Variants in HSD17B3 observed in about 807,000 individuals in gnomAD.
The protein encoded by HSD17B3 is 17-beta-hydroxysteroid dehydrogenase type 3.
Under a neutral mutation model 41.1 loss-of-function variants are expected in HSD17B3, and 29 were observed. That is an observed-to-expected ratio of 0.71 (90% CI 0.53 to 0.96). The LOEUF is 0.96. HSD17B3 is among the 40% of genes least tolerant of loss of function. HSD17B3 has a pLI of 0.00. For synonymous variants in HSD17B3, 126 were observed against 145.6 expected (o/e 0.87, Z 0.97); for missense variants, 323 against 374.6 (o/e 0.86, Z 1.14).
chr9:96,270,733 G>A (rs538567206), intron 2 of HSD17B3, among the ~76,000 whole-genome samples: 1 of 152,358 alleles, frequency 6.6e-6, no homozygotes, highest in South Asian at 2.1e-4. Context: ...AGGTGGGCAG[G>A]CCACCCAGAT....
At chr9:96,237,110 G>A (rs76228520) in intron 10 of HSD17B3, among the ~76,000 whole-genome samples, 5,219 of 152,204 alleles carry the variant, frequency 0.034, 225 homozygotes, top group Admixed American at 0.12. Flanking sequence ...TTTTCTCTCC[G>A]AGCTTTCTTA....
At chr9:96,251,155 G>A (rs1336225725) in intron 5 of HSD17B3, 1 of 548,654 alleles carries the variant, frequency 1.8e-6, no homozygotes, top group South Asian at 2.4e-5. Flanking sequence ...CAGCACCCCA[G>A]AAGCATAGGA....
chr9:96,289,411 G>A (rs1278701657), intron 2 of HSD17B3, among the ~76,000 whole-genome samples: 2 of 152,006 alleles, frequency 1.3e-5, no homozygotes, highest in Non-Finnish European at 2.9e-5. Flanking sequence ...TTTCAAGACT[G>A]ACCCCTGCCA....
intron 2 of HSD17B3, among the ~76,000 whole-genome samples, chr9:96,294,965 C>T (rs139973844): frequency 1.3e-5 from 2 of 148,232 alleles, no homozygotes; most frequent in East Asian, 4.0e-4. Context: ...AAAAAATCAT[C>T]AGCAGCAGAT....
intron 2 of HSD17B3, among the ~76,000 whole-genome samples, chr9:96,293,661 A>ATG (rs113941501): frequency 0.012 from 1,806 of 146,356 alleles, 29 homozygotes; most frequent in African/African-American, 0.039. Context: ...CTGTGTGTGT[A>ATG]TGTGTGTGTG....
intron 4 of HSD17B3, 138 bp from the exon 5 acceptor site, chr9:96,251,623 G>C (rs1216398965): frequency 1.3e-6 from 1 of 770,906 alleles, no homozygotes; most frequent in African/African-American, 1.7e-5. Flanking sequence ...CTGGGGGGAA[G>C]TTTTTGTCCA....
chr9:96,240,948 C>T (rs756669687), intron 9 of HSD17B3, 41 bp from the exon 10 acceptor site: 23 of 1,612,624 alleles, frequency 1.4e-5, no homozygotes, highest in Admixed American at 1.2e-4. Flanking sequence ...AAGCAATCCA[C>T]CCCAGGAAGA....
At chr9:96,276,455 G>C (rs533621389) in intron 2 of HSD17B3, among the ~76,000 whole-genome samples, 9 of 152,122 alleles carry the variant, frequency 5.9e-5, no homozygotes, top group African/African-American at 1.9e-4. Context: ...AAACAATCTT[G>C]AGCAAGAAGA....
rs772709388 is a variant in HSD17B3 at position 96,273,741 on chromosome 9, G to A, written c.202-18798C>T. 1.6e-3 allele frequency among the ~76,000 whole-genome samples: 241 copies of A among 152,112 alleles called. 4 individuals carry two copies. Among genetic ancestry groups the A allele is most frequent in the Non-Finnish European group, 5.3e-4 (36 of 68,020 alleles). ...AAGGAGAACAGGAAGATCTGCATCC[G>A]CCTTCACTACCAAGACCCCACAATC... On this transcript the variant is annotated intron_variant, in intron 2 of 10. Coordinates refer to ENST00000375263, the MANE Select transcript of HSD17B3 (RefSeq NM_000197.2).
chr9:96,271,987 C>A (rs947567543), intron 2 of HSD17B3, among the ~76,000 whole-genome samples: 1 of 151,752 alleles, frequency 6.6e-6, no homozygotes, highest in Non-Finnish European at 1.5e-5. Flanking sequence ...AATTTTATAC[C>A]CCCATTACTT....
At chr9:96,250,116 G>A (rs1046041947) in intron 5 of HSD17B3, 7 of 1,314,942 alleles carry the variant, frequency 5.3e-6, no homozygotes, top group Non-Finnish European at 6.8e-6. Context: ...AGGAAGAGGG[G>A]TTAGCCTATG....
intron 2 of HSD17B3, among the ~76,000 whole-genome samples, chr9:96,274,659 T>A (rs917024702): frequency 1.3e-5 from 2 of 151,986 alleles, no homozygotes; most frequent in South Asian, 4.2e-4. Context: ...GAAAAAAGAA[T>A]CTGTGAACTT....
At position 96,254,614 on chromosome 9, in the gene HSD17B3, A is replaced by C. The variant is rs370438; in HGVS notation, c.277+254T>G. On this transcript the variant is annotated intron_variant, in intron 3 of 10. Transcript: ENST00000375263. ...AGCAGGGCTGATGTAGCAATGAAGG[A>C]ACCCACCCAAAGGAGAGAGCAGACC... 0.87 allele frequency among the ~76,000 whole-genome samples: 132,963 copies of C among 152,204 alleles called. 58,225 individuals are homozygous for C. Among genetic ancestry groups the C allele is most frequent in the African/African-American group, 0.93 (38,723 of 41,544 alleles).
At chr9:96,253,517 C>T (rs1825510279) in intron 3 of HSD17B3, among the ~76,000 whole-genome samples, 1 of 152,220 alleles carries the variant, frequency 6.6e-6, no homozygotes, top group African/African-American at 2.4e-5. Context: ...GGCATTATGA[C>T]TTTCATTTTC....
Position 96,240,762 on chromosome 9 carries a change from ATTTCATGGGCAAGGCAGCCACAGG to A in HSD17B3, c.794_817del (p.Thr265_Glu272del), listed in dbSNP as rs752888962. On this transcript the variant is annotated inframe_deletion, in exon 10 of 11. Transcript: ENST00000375263. ...AAAGGAGAAGTTATCAATTACCAAG[ATTTCATGGGCAAGGCAGCCACAGG>A]TTTCACCTCCAATTGTGACATAATT... 2.5e-6 allele frequency: 4 copies of A among 1,614,200 alleles called. No homozygotes were observed. Among genetic ancestry groups the A allele is most frequent in the Non-Finnish European group, 1.7e-6 (2 of 1,180,042 alleles).
chr9:96,253,880 A>G (rs1452149582), intron 3 of HSD17B3, among the ~76,000 whole-genome samples: 1 of 152,142 alleles, frequency 6.6e-6, no homozygotes, highest in African/African-American at 2.4e-5. Context: ...GACACAGAAC[A>G]AAAGCAGAAT....
chr9:96,272,405 C>CTCTCTA (rs1239816824), intron 2 of HSD17B3, among the ~76,000 whole-genome samples: 2 of 21,538 alleles, frequency 9.3e-5, no homozygotes, highest in African/African-American at 1.6e-4. Context: ...CTCTCTCTCT[C>CTCTCTA]TATATATATA....
At chr9:96,285,898 C>T (rs1034874505) in intron 2 of HSD17B3, among the ~76,000 whole-genome samples, 3 of 152,124 alleles carry the variant, frequency 2.0e-5, no homozygotes, top group South Asian at 2.1e-4. Context: ...ATGTCAGAGG[C>T]GTTTGAACCA....
intron 2 of HSD17B3, among the ~76,000 whole-genome samples, 166 bp from the exon 3 acceptor site, chr9:96,255,109 C>T (rs1322447519): frequency 6.6e-6 from 1 of 152,096 alleles, no homozygotes; most frequent in Non-Finnish European, 1.5e-5. Flanking sequence ...GGGCTAGGAA[C>T]AACACAACCC....
Sources: allele counts gnomAD v4.1 joint callset (sites outside exome capture counted in the v4.1 genomes callset), GRCh38; gene constraint gnomAD v4.1.1; transcripts MANE v1.5; gene names NCBI Gene and HGNC (gene_info 2026-07-23, HGNC 2026-07-21).